Variants in EVC observed in about 807,000 individuals in gnomAD.
EVC encodes evC complex member EVC.
Under a neutral mutation model 118.9 loss-of-function variants are expected in EVC, and 116 were observed. The observed-to-expected ratio is 0.98, with a 90% CI of 0.84 to 1.14. The LOEUF (loss-of-function observed/expected upper bound fraction) is 1.14, where lower values mean the gene tolerates loss of function less well. Among genes scored for constraint, EVC ranks in the 50% most tolerant of loss-of-function variants. The probability of loss-of-function intolerance (pLI) is 0.00; values close to 1 mark genes in which losing one functional copy is unlikely to be tolerated. For missense variants in EVC, 1,401 were observed against 1,246.4 expected (o/e 1.12, Z -1.87); for synonymous variants, 619 against 534.7 (o/e 1.16, Z -2.18).
chr4:5,825,356 G>T, the EVC span: 2 of 1,428,736 alleles, frequency 1.4e-6, no homozygotes, highest in Non-Finnish European at 1.8e-6. The surrounding 1 kb of genome is among the most constrained non-coding windows in gnomAD (Gnocchi z 4.4). Flanking sequence ...GTGAGAGCAG[G>T]CTCGGGTGGG....
intron 12 of EVC, among the ~76,000 whole-genome samples, chr4:5,787,278 C>A (rs1217705480): frequency 6.6e-6 from 1 of 152,316 alleles, no homozygotes; most frequent in African/African-American, 2.4e-5. Context: ...CCCTAAAACC[C>A]GTGAATATGT....
At chr4:5,800,346 AAAAC>A (rs149801082) in intron 15 of EVC, among the ~76,000 whole-genome samples, 167 of 152,344 alleles carry the variant, frequency 1.1e-3, no homozygotes, top group African/African-American at 2.9e-3. Context: ...CTCTGTCTAA[AAAAC>A]AAACAAACAA....
chr4:5,800,196 T>A (rs1478866684), intron 15 of EVC, among the ~76,000 whole-genome samples: 1 of 151,876 alleles, frequency 6.6e-6, no homozygotes, highest in African/African-American at 2.4e-5. Flanking sequence ...AATACAAAAA[T>A]TAGCTAGGTG....
At chr4:5,766,203 C>A (rs1187263619) in intron 11 of EVC, among the ~76,000 whole-genome samples, 6 of 151,386 alleles carry the variant, frequency 4.0e-5, no homozygotes, top group South Asian at 4.2e-4. Flanking sequence ...GTTGAAAATT[C>A]TTTTCTTTAA....
intron 5 of EVC, among the ~76,000 whole-genome samples, chr4:5,741,200 A>G (rs575681706): frequency 3.5e-4 from 54 of 152,240 alleles, no homozygotes; most frequent in Non-Finnish European, 6.3e-4. Flanking sequence ...AGGGGTGAAT[A>G]GATCAACAAA....
rs61162715 is a variant in EVC, at chr4:5,799,759, G to A, written c.2304+967G>A. On this transcript the variant is annotated intron_variant, in intron 15 of 20. Transcript: ENST00000264956. ...ATCTCAGTAAAACGAGTCACTTTGC[G>A]TGTCTGTGCAGCAAAGAGGCTGGAC... is the stretch of plus-strand genomic sequence containing the variant. Among the ~76,000 whole-genome samples the A allele has an allele frequency of 1.7e-3, 259 of 152,140 alleles. 2 individuals carry two copies. Among genetic ancestry groups the A allele is most frequent in the African/African-American group, 5.9e-3 (246 of 41,488 alleles).
At position 5,789,811 on chromosome 4, in the gene EVC, T is replaced by C. The variant is rs772857560; in HGVS notation, c.1777-3797T>C. On this transcript the variant is annotated intron_variant, in intron 12 of 20. Transcript: ENST00000264956. The surrounding 1 kb of genome is among the most constrained non-coding windows in gnomAD (Gnocchi z 4.3). Reference sequence around the variant, plus strand: ...ATCGATCATCATCGAATCCTGTTGCTAGTTTAAGCTGCATTCTCAAAACAC... The same window carrying C: ...ATCGATCATCATCGAATCCTGTTGCCAGTTTAAGCTGCATTCTCAAAACAC... 6.6e-5 allele frequency among the ~76,000 whole-genome samples: 10 copies of C among 152,200 alleles called. No homozygotes were observed. Among genetic ancestry groups the C allele is most frequent in the Non-Finnish European group, 7.3e-5 (5 of 68,034 alleles).
chr4:5,787,903 T>G (rs1318999235), intron 12 of EVC, among the ~76,000 whole-genome samples: 1 of 152,130 alleles, frequency 6.6e-6, no homozygotes, highest in Non-Finnish European at 1.5e-5. Flanking sequence ...CTTTCAGGCC[T>G]CCTCTTACTG....
At chr4:5,745,084 A>C (rs1228976127) in intron 6 of EVC, 120 bp from the exon 7 acceptor site, 1 of 994,290 alleles carries the variant, frequency 1.0e-6, no homozygotes, top group Non-Finnish European at 1.5e-6. Flanking sequence ...AGAGCATTTA[A>C]CTATTGTTTA....
At chr4:5,781,503 G>C (rs889500500) in intron 11 of EVC, among the ~76,000 whole-genome samples, 1 of 152,090 alleles carries the variant, frequency 6.6e-6, no homozygotes, top group East Asian at 1.9e-4. Flanking sequence ...TCCATTCTGG[G>C]TGTAAAAGTG....
At chr4:5,729,546 A>C (rs565063766) in intron 3 of EVC, among the ~76,000 whole-genome samples, 156 bp downstream of exon 3, 1 of 152,290 alleles carries the variant, frequency 6.6e-6, no homozygotes, top group African/African-American at 2.4e-5. Flanking sequence ...GCTCAGGAAC[A>C]GGACATGCCC....
chr4:5,745,518 C>T (rs2152029140), intron 7 of EVC, among the ~76,000 whole-genome samples, 177 bp downstream of exon 7: 1 of 152,310 alleles, frequency 6.6e-6, no homozygotes, highest in East Asian at 1.9e-4. Context: ...AGTAATTAAG[C>T]AGCAAAGATT....
rs141164640 is a variant in EVC at position 5,753,324 on chromosome 4, G to C, written c.1315+272G>C. Among the ~76,000 whole-genome samples the C allele has an allele frequency of 1.9e-4, 29 of 152,338 alleles. No individual in the cohort carries two copies. In the East Asian group the frequency reaches 5.0e-3, roughly 26 times the overall value. On this transcript the variant is annotated intron_variant, in intron 9 of 20. Coordinates refer to ENST00000264956, the MANE Select transcript of EVC (RefSeq NM_153717.3). Reference sequence around the variant, plus strand: ...GGATTCCGGCTGATTGAGTCCCCACGTCCTGCAGCAAAGCCACCAGGAACT... The same window carrying C: ...GGATTCCGGCTGATTGAGTCCCCACCTCCTGCAGCAAAGCCACCAGGAACT...
In EVC at chr4:5,813,642, G is replaced by T. The variant is rs999313550; in HGVS notation, c.*2605G>T. 6.6e-6 allele frequency: 1 copy of T among 152,206 alleles called. No individual in the cohort carries two copies. Among genetic ancestry groups the T allele is most frequent in the African/African-American group, 2.4e-5 (1 of 41,450 alleles). 9.4% of individuals were successfully genotyped at this position (152,206 alleles called of 1,614,324 possible). A position where few individuals can be genotyped will look rare whatever the true frequency, so the allele number is the denominator to read the frequency against. On this transcript the variant is annotated 3_prime_UTR_variant, in exon 21 of 21. Coordinates refer to ENST00000264956, the MANE Select transcript of EVC (RefSeq NM_153717.3). The stretch of plus-strand genomic sequence containing the variant: ...CACCATAATTGGTCGGTTACCCTGA[G>T]CCCAGAGCTCTGAAAGCATCTGTGG...
At chr4:5,772,417 G>T (rs918191971) in intron 11 of EVC, among the ~76,000 whole-genome samples, 2 of 152,052 alleles carry the variant, frequency 1.3e-5, no homozygotes, top group African/African-American at 2.4e-5. Context: ...CTGCTGTGTG[G>T]CCTAGTCCAT....
At chr4:5,817,765 G>C (rs923719438), downstream of EVC, among the ~76,000 whole-genome samples, 1 of 152,182 alleles carries the variant, frequency 6.6e-6, no homozygotes, top group African/African-American at 2.4e-5. Context: ...AGTCTATAGA[G>C]ATTTGGCCCC....
At chr4:5,824,639 A>C in the EVC span, 4 of 947,174 alleles carry the variant, frequency 4.2e-6, no homozygotes, top group Non-Finnish European at 5.0e-6. Context: ...TACATTTTCA[A>C]ATGGCTATTG....
intron 11 of EVC, among the ~76,000 whole-genome samples, chr4:5,760,019 T>G (rs929809979): frequency 6.6e-6 from 1 of 152,076 alleles, no homozygotes; most frequent in Non-Finnish European, 1.5e-5. Flanking sequence ...AAATCACAGG[T>G]AGGCAAGAGA....
At chr4:5,717,944 C>T (rs1017917763) in intron 1 of EVC, among the ~76,000 whole-genome samples, 2 of 152,150 alleles carry the variant, frequency 1.3e-5, no homozygotes, top group East Asian at 1.9e-4. Context: ...GTATTTTGTT[C>T]GTTACTCTAT....
Sources: gnomAD v4.1 joint callset for allele counts (sites outside exome capture counted in the v4.1 genomes callset) on GRCh38, gnomAD v4.1.1 for gene constraint, Gnocchi (gnomAD v3.1) non-coding constraint, MANE v1.5 for transcripts, NCBI Gene and HGNC (gene_info 2026-07-23, HGNC 2026-07-21) for gene names.